The following DPYD variants were observed in gnomAD, a reference collection of about 807,000 sequenced individuals.
DPYD encodes the protein dihydropyrimidine dehydrogenase [NADP(+)].
A neutral mutation model predicts 116.2 loss-of-function variants in DPYD; 109 were observed. That is an observed-to-expected ratio of 0.94 (90% CI 0.80 to 1.10). DPYD has a LOEUF of 1.10. Among genes scored for constraint, DPYD ranks in the 50% least tolerant of loss-of-function variants. DPYD has a pLI of 0.00. For missense variants in DPYD, 1,302 were observed against 1,254.5 expected (o/e 1.04, Z -0.57); for synonymous variants, 440 against 432.0 (o/e 1.02, Z -0.23).
intron 13 of DPYD, among the ~76,000 whole-genome samples, chr1:97,497,321 T>G (rs1285807005): frequency 1.3e-5 from 2 of 152,074 alleles, no homozygotes; most frequent in Non-Finnish European, 2.9e-5. Context: ...CCTGTAACAC[T>G]TTCTTCCAAC....
chr1:97,770,769 C>A (rs1666097614), intron 3 of DPYD, among the ~76,000 whole-genome samples: 1 of 152,042 alleles, frequency 6.6e-6, no homozygotes, highest in African/African-American at 2.4e-5. Context: ...ACGTCTCTTT[C>A]AAATATTTTA....
rs746432900 is a variant in DPYD, at chr1:97,234,960, C to T, written c.2334G>A (p.Val778=). The T allele has an allele frequency of 8.1e-6, 13 of 1,614,078 alleles. No homozygotes were observed. Among genetic ancestry groups the T allele is most frequent in the African/African-American group, 1.3e-5 (1 of 75,030 alleles). Residue 778 remains valine, a synonymous_variant, in exon 19 of 23, where the codon GTG becomes GTA. Coordinates refer to ENST00000370192, the MANE Select transcript of DPYD (RefSeq NM_000110.4). ...CAGGCAGAGCACGAGCAATGGAGGT[C>T]ACAGCTCTCAAAGCAATAGGTCTGA... ...TAIRPIALRA[V]TSIARALPGF...
chr1:97,103,804 G>A (rs1320964513), intron 20 of DPYD, among the ~76,000 whole-genome samples: 2 of 150,876 alleles, frequency 1.3e-5, no homozygotes, highest in East Asian at 1.9e-4. Flanking sequence ...TCAAACTCAC[G>A]ATGTTGGTAT....
intron 1 of DPYD, among the ~76,000 whole-genome samples, chr1:97,893,026 G>A (rs1246584401): frequency 6.6e-6 from 1 of 151,732 alleles, no homozygotes; most frequent in African/African-American, 2.4e-5. Context: ...ATAAGATAAT[G>A]CAAAAGATGT....
At chr1:97,418,608 T>C (rs1156696248) in intron 14 of DPYD, among the ~76,000 whole-genome samples, 2 of 152,106 alleles carry the variant, frequency 1.3e-5, no homozygotes, top group Admixed American at 6.6e-5. Context: ...CCTAAGATGA[T>C]TTCTTATATT....
intron 19 of DPYD, among the ~76,000 whole-genome samples, chr1:97,233,089 A>G (rs1021752050): frequency 6.6e-6 from 1 of 152,130 alleles, no homozygotes; most frequent in Non-Finnish European, 1.5e-5. Flanking sequence ...CACCTCCTTA[A>G]TGCCAGATAG....
At chr1:97,749,050 T>C (rs963098761) in intron 3 of DPYD, among the ~76,000 whole-genome samples, 1 of 152,180 alleles carries the variant, frequency 6.6e-6, no homozygotes, top group Non-Finnish European at 1.5e-5. Flanking sequence ...AAAAGACGCT[T>C]TCCTTTATTC....
intron 14 of DPYD, among the ~76,000 whole-genome samples, chr1:97,412,285 T>C (rs1288323691): frequency 6.6e-6 from 1 of 152,184 alleles, no homozygotes; most frequent in Non-Finnish European, 1.5e-5. Context: ...AAACAAACTA[T>C]TTACTCCCTT....
At chr1:97,335,987 T>TC (rs1352057121) in intron 16 of DPYD, among the ~76,000 whole-genome samples, 2 of 152,162 alleles carry the variant, frequency 1.3e-5, no homozygotes, top group Non-Finnish European at 2.9e-5. Flanking sequence ...CTCTATCTCT[T>TC]CAAGTCTCTC....
chr1:97,798,282 A>G (rs1039695635), intron 3 of DPYD, among the ~76,000 whole-genome samples: 4 of 152,016 alleles, frequency 2.6e-5, no homozygotes, highest in Non-Finnish European at 5.9e-5. Flanking sequence ...GTTATAGAAA[A>G]TTAAAAATGT....
chr1:97,344,590 T>C (rs1669748203), intron 16 of DPYD, among the ~76,000 whole-genome samples: 2 of 147,496 alleles, frequency 1.4e-5, no homozygotes, highest in African/African-American at 5.0e-5. Flanking sequence ...AATCTATATA[T>C]GTCACCACAC....
intron 2 of DPYD, among the ~76,000 whole-genome samples, chr1:97,860,810 G>A (rs1671073678): frequency 6.6e-6 from 1 of 151,754 alleles, no homozygotes; most frequent in Non-Finnish European, 1.5e-5. Flanking sequence ...ACATTGGAAA[G>A]CATTACTCTA....
At chr1:97,592,894 GA>G (rs1654618592) in intron 10 of DPYD, among the ~76,000 whole-genome samples, 1 of 152,142 alleles carries the variant, frequency 6.6e-6, no homozygotes, top group Non-Finnish European at 1.5e-5. Context: ...TACATTTTGT[GA>G]AGAGTACCTA....
intron 3 of DPYD, among the ~76,000 whole-genome samples, chr1:97,777,084 A>G (rs1666449714): frequency 6.6e-6 from 1 of 152,224 alleles, no homozygotes; most frequent in Admixed American, 6.5e-5. Flanking sequence ...GGAACTACTA[A>G]TAACTGCAAC....
intron 13 of DPYD, among the ~76,000 whole-genome samples, chr1:97,457,800 T>C (rs1570764437): frequency 6.6e-6 from 1 of 152,188 alleles, no homozygotes; most frequent in Admixed American, 6.5e-5. Flanking sequence ...AGTTCAAACT[T>C]TTTCTGCAGG....
chr1:97,101,207 C>G (rs1236655614), intron 20 of DPYD, among the ~76,000 whole-genome samples: 1 of 151,724 alleles, frequency 6.6e-6, no homozygotes, highest in African/African-American at 2.4e-5. Context: ...ACATGGAGCT[C>G]TCAGAGACTA....
At position 97,568,479 on chromosome 1, in the gene DPYD, G is replaced by C. The variant is rs74724707; in HGVS notation, c.1339+5281C>G. Among the ~76,000 whole-genome samples the C allele has an allele frequency of 7.4e-3, 1,123 of 152,054 alleles. 14 individuals carry two copies. The highest frequency in any genetic ancestry group is 0.026 in the African/African-American group (1,072 of 41,450). ...TACAGCATGAGGACCATGAAGAACA[G>C]GTAGACTAAGTAACTCATTAAGACG... is the stretch of plus-strand genomic sequence containing the variant. On this transcript the variant is annotated intron_variant, in intron 11 of 22. Coordinates refer to ENST00000370192, the MANE Select transcript of DPYD (RefSeq NM_000110.4).
intron 3 of DPYD, among the ~76,000 whole-genome samples, chr1:97,767,043 G>C (rs1196473152): frequency 3.9e-5 from 6 of 152,052 alleles, no homozygotes; most frequent in African/African-American, 1.4e-4. Flanking sequence ...TGTAGATGAG[G>C]GACTTGGTAA....
At chr1:97,520,521 T>G (rs759582542) in intron 12 of DPYD, among the ~76,000 whole-genome samples, 73 of 152,248 alleles carry the variant, frequency 4.8e-4, no homozygotes, top group Non-Finnish European at 9.3e-4. Flanking sequence ...CTGGGATACA[T>G]GTGCACAATG....
Sources: allele counts gnomAD v4.1 joint callset (sites outside exome capture counted in the v4.1 genomes callset), GRCh38; gene constraint gnomAD v4.1.1; transcripts MANE v1.5; gene names NCBI Gene and HGNC (gene_info 2026-07-23, HGNC 2026-07-21).